The following KIAA1217 variants were observed in gnomAD, a reference collection of about 807,000 sequenced individuals.
The protein encoded by KIAA1217 is KIAA1217.
KIAA1217 carries 88 observed loss-of-function variants against 163.9 expected under a neutral mutation model. The observed-to-expected ratio is 0.54, with a 90% confidence interval of 0.45 to 0.64. The LOEUF (loss-of-function observed/expected upper bound fraction) is 0.64. Ranked by LOEUF, KIAA1217 falls within the 30% of genes least tolerant of loss-of-function variation. KIAA1217 has a pLI of 0.00. For missense variants in KIAA1217, 2,372 were observed against 2,475.0 expected, an observed-to-expected ratio of 0.96 and a Z score of 0.88; for synonymous variants, 903 against 923.1, an observed-to-expected ratio of 0.98 and a Z score of 0.39.
At chr10:24,321,940 A>T (rs1271679956) in intron 2 of KIAA1217, among the ~76,000 whole-genome samples, 7 of 151,536 alleles carry the variant, frequency 4.6e-5, no homozygotes, top group Non-Finnish European at 1.0e-4. Context: ...TTTTACTGAC[A>T]TTTTATTTTA....
In KIAA1217 at chr10:24,456,510, T is replaced by C. The variant is rs1274600350; in HGVS notation, c.847-16718T>C. On this transcript the variant is annotated intron_variant, in intron 5 of 20. Transcript: ENST00000376454. ...TGCAAGAAGGTTTTACTGAAGCAAG[T>C]AAGCAGCTGAATCAGGGGCTCAGAG... 4.6e-5 allele frequency among the ~76,000 whole-genome samples: 7 copies of C among 152,176 alleles called. No individual in the cohort carries two copies. In the South Asian group the frequency reaches 1.5e-3, roughly 32 times the overall value.
At chr10:24,344,393 C>T (rs2047470204) in intron 2 of KIAA1217, among the ~76,000 whole-genome samples, 1 of 152,188 alleles carries the variant, frequency 6.6e-6, no homozygotes, top group African/African-American at 2.4e-5. Context: ...TTACCAGTTG[C>T]CCTGATCTGA....
intron 6 of KIAA1217, among the ~76,000 whole-genome samples, chr10:24,487,175 A>T (rs993964713): frequency 1.7e-4 from 26 of 152,088 alleles, no homozygotes; most frequent in Admixed American, 1.4e-3. Flanking sequence ...CATCATTCAC[A>T]TCTCACCTAT....
intron 2 of KIAA1217, among the ~76,000 whole-genome samples, chr10:24,281,152 A>G (rs1465821168): frequency 6.6e-6 from 1 of 152,250 alleles, no homozygotes; most frequent in African/African-American, 2.4e-5. Context: ...CAGAGCTCCC[A>G]CATACAATGT....
intron 6 of KIAA1217, chr10:24,482,658 GA>G (rs2064866135): frequency 1.3e-5 from 2 of 152,254 alleles, no homozygotes; most frequent in South Asian, 4.1e-4. Context: ...TTTCATGAAT[GA>G]AGTGATTCAA....
chr10:24,496,512 A>G (rs553611747), intron 8 of KIAA1217, among the ~76,000 whole-genome samples: 95 of 152,364 alleles, frequency 6.2e-4, no homozygotes, highest in African/African-American at 2.2e-3. Flanking sequence ...TCTAAGCAAT[A>G]TGTACGTGCT....
intron 1 of KIAA1217, among the ~76,000 whole-genome samples, chr10:23,937,682 A>G (rs1454321317): frequency 2.0e-5 from 3 of 152,250 alleles, no homozygotes; most frequent in African/African-American, 7.2e-5. Flanking sequence ...TTAATTTGGC[A>G]TCATCATAAG....
At chr10:24,092,928 T>TTGTGTGTGTGTGTGTGTG (rs72267704) in intron 2 of KIAA1217, among the ~76,000 whole-genome samples, 1 of 140,952 alleles carries the variant, frequency 7.1e-6, no homozygotes, top group Admixed American at 7.0e-5. Flanking sequence ...TGTGTGTGTG[T>TTGTGTGTGTGTGTGTGTG]TGTGTGTGTG....
intron 2 of KIAA1217, among the ~76,000 whole-genome samples, chr10:24,200,275 A>T (rs1480030362): frequency 6.7e-6 from 1 of 149,898 alleles, no homozygotes; most frequent in African/African-American, 2.5e-5. Flanking sequence ...CAGTGGAGCT[A>T]TCAGCTCACT....
intron 1 of KIAA1217, among the ~76,000 whole-genome samples, chr10:23,848,014 T>C (rs1471198446): frequency 1.3e-5 from 2 of 152,194 alleles, no homozygotes; most frequent in Admixed American, 1.3e-4. Flanking sequence ...AGTTTCCATG[T>C]AGTTGTGCAG....
chr10:23,751,978 G>A (rs1839763276), intron 1 of KIAA1217, among the ~76,000 whole-genome samples: 1 of 152,178 alleles, frequency 6.6e-6, no homozygotes, highest in Admixed American at 6.5e-5. Context: ...TGGGTATGTG[G>A]TATGATTATT....
intron 2 of KIAA1217, among the ~76,000 whole-genome samples, chr10:24,075,473 C>T (rs2061339764): frequency 1.3e-5 from 2 of 152,084 alleles, no homozygotes; most frequent in African/African-American, 4.8e-5. Flanking sequence ...ATTTCAGTGA[C>T]TGATATGTTA....
chr10:24,058,136 AT>A (rs1306679196), intron 2 of KIAA1217, among the ~76,000 whole-genome samples: 2 of 152,154 alleles, frequency 1.3e-5, no homozygotes, highest in Non-Finnish European at 2.9e-5. Flanking sequence ...TGCCAACACC[AT>A]TTGTTGAAGA....
chr10:24,205,075 T>A (rs1303994274), upstream of KIAA1217, among the ~76,000 whole-genome samples: 1 of 152,142 alleles, frequency 6.6e-6, no homozygotes, highest in Non-Finnish European at 1.5e-5. Flanking sequence ...TGGTTCTTAA[T>A]AGGATTTAAA....
intron 2 of KIAA1217, among the ~76,000 whole-genome samples, chr10:24,044,878 G>A (rs1007835559): frequency 2.6e-5 from 4 of 151,838 alleles, no homozygotes; most frequent in African/African-American, 7.3e-5. Context: ...GTCATAGAAC[G>A]CCCCTTTTTT....
intron 1 of KIAA1217, among the ~76,000 whole-genome samples, chr10:23,802,398 G>A (rs1462097065): frequency 8.5e-5 from 13 of 152,196 alleles, no homozygotes; most frequent in Non-Finnish European, 1.8e-4. Context: ...CCACATGAAT[G>A]TTCCAATAAA....
intron 6 of KIAA1217, among the ~76,000 whole-genome samples, chr10:24,489,309 A>T (rs1451277669): frequency 1.3e-5 from 2 of 152,056 alleles, no homozygotes; most frequent in African/African-American, 4.8e-5. Context: ...TAGGAAGGTT[A>T]ATGCTTCAGA....
At chr10:23,713,170 T>A (rs1309281803) in intron 1 of KIAA1217, among the ~76,000 whole-genome samples, 3 of 152,140 alleles carry the variant, frequency 2.0e-5, no homozygotes, top group Non-Finnish European at 4.4e-5. Context: ...TAGAACTGTT[T>A]GAAGCTATCG....
intron 1 of KIAA1217, among the ~76,000 whole-genome samples, chr10:23,854,346 A>G (rs1185904824): frequency 6.6e-6 from 1 of 151,998 alleles, no homozygotes; most frequent in Admixed American, 6.6e-5. Context: ...CTTAATCCTA[A>G]GTTCTAGTTT....
Sources: allele counts gnomAD v4.1 joint callset (sites outside exome capture counted in the v4.1 genomes callset), GRCh38; gene constraint gnomAD v4.1.1; transcripts MANE v1.5; gene names NCBI Gene and HGNC (gene_info 2026-07-23, HGNC 2026-07-21).